Variants in RELT observed in about 807,000 individuals in gnomAD.
RELT encodes RELT TNF receptor.
In RELT, 37 loss-of-function variants were observed where a neutral mutation model predicts 51.1. The ratio of observed to expected loss-of-function variants is 0.72; its 90% CI spans 0.56 to 0.95. The LOEUF is 0.95. Among genes scored for constraint, RELT ranks in the 40% least tolerant of loss-of-function variants. The probability of loss-of-function intolerance (pLI) is 0.00; values close to 1 mark genes in which losing one functional copy is unlikely to be tolerated. For synonymous variants in RELT, 241 were observed against 235.7 expected (o/e 1.02, Z -0.21); for missense variants, 535 against 572.6 (o/e 0.93, Z 0.67).
intron 1 of RELT, among the ~76,000 whole-genome samples, chr11:73,382,010 C>T (rs1866057717): frequency 6.6e-6 from 1 of 152,212 alleles, no homozygotes; most frequent in Non-Finnish European, 1.5e-5. Flanking sequence ...CAGGGACTAG[C>T]ACCCCTGTTT....
intron 6 of RELT, chr11:73,392,776 G>C: frequency 3.0e-6 from 4 of 1,311,850 alleles, no homozygotes; most frequent in Non-Finnish European, 3.9e-6. Context: ...TTCCAGGGTC[G>C]GATGGTGGCC....
At chr11:73,383,965 G>A (rs578102701) in intron 1 of RELT, among the ~76,000 whole-genome samples, 7 of 152,298 alleles carry the variant, frequency 4.6e-5, no homozygotes, top group African/African-American at 9.6e-5. Flanking sequence ...TGTGGCCACC[G>A]CCAAGGGAGG....
At position 73,394,771 on chromosome 11, in the gene RELT, A is replaced by G. The variant is rs761184797; in HGVS notation, c.1046+37A>G. On this transcript the variant is annotated intron_variant, in intron 9 of 10. Transcript: ENST00000064780. This position sits in a 1 kb window ranked among gnomAD's most constrained non-coding sequence, Gnocchi z 4.9. ...ACAGATGCAGCAGGGGCAGGTAAAG[A>G]CGTGACAGCCTGGGGGCCGGGAGGG... is the stretch of plus-strand genomic sequence containing the variant. The G allele has an allele frequency of 2.4e-5, 38 of 1,591,238 alleles. No homozygotes were observed. In the South Asian group the frequency reaches 4.1e-4, roughly 17 times the overall value.
At chr11:73,391,279 T>C in intron 5 of RELT, 56 bp downstream of exon 5, 2 of 1,496,980 alleles carry the variant, frequency 1.3e-6, no homozygotes, top group South Asian at 1.2e-5. Flanking sequence ...GAGGGGCCAG[T>C]GAGTTGGAGC....
In RELT at chr11:73,394,540, G is replaced by A. The variant is rs1866276125; in HGVS notation, c.852G>A (p.Val284=). Residue 284 remains valine, a synonymous_variant, in exon 9 of 11, where the codon GTG becomes GTA. Coordinates refer to ENST00000064780, the MANE Select transcript of RELT (RefSeq NM_152222.2). This position sits in a 1 kb window ranked among gnomAD's most constrained non-coding sequence, Gnocchi z 4.9. The part of the protein sequence containing the change: ...ICPHRHHLHT[V]QGLASLSGPC... ...CGCACCGCCACCATCTCCACACCGT[G>A]CAGGGCCTGGCCTCGCTCTCTGGCC... 6.2e-7 allele frequency: 1 copy of A among 1,611,628 alleles called. No individual in the cohort carries two copies.
intron 1 of RELT, among the ~76,000 whole-genome samples, chr11:73,387,222 C>T (rs1184230122): frequency 1.3e-5 from 2 of 152,152 alleles, no homozygotes; most frequent in Admixed American, 6.5e-5. Context: ...GGATTACAGG[C>T]GTGAGCCACC....
chr11:73,386,563 C>G (rs1866127041), intron 1 of RELT, among the ~76,000 whole-genome samples: 1 of 152,134 alleles, frequency 6.6e-6, no homozygotes, highest in Non-Finnish European at 1.5e-5. Flanking sequence ...GGCAGCCAGA[C>G]TGGAGTAAGT....
Position 73,390,862 on chromosome 11 carries a change from G to A in RELT, c.228G>A (p.Arg76=), listed in dbSNP as rs1433576838. ...QPHARCSLWR[R]LEAQVGMATR... is the part of the protein sequence containing the mutation. ...ATGCCCGTTGCAGCCTTTGGAGGAGGCTGGAGGCCCAGGTGGGCATGGCAA... is the reference window on the plus strand; with the variant it reads ...ATGCCCGTTGCAGCCTTTGGAGGAGACTGGAGGCCCAGGTGGGCATGGCAA... Residue 76 remains arginine, a synonymous_variant, in exon 4 of 11, where the codon AGG becomes AGA. Coordinates refer to ENST00000064780, the MANE Select transcript of RELT (RefSeq NM_152222.2). 1 of 1,613,288 alleles carries A rather than the reference G, an allele frequency of 6.2e-7. No individual in the cohort carries two copies. The highest frequency in any genetic ancestry group is 1.1e-5 in the South Asian group (1 of 91,034).
At position 73,389,133 on chromosome 11, in the gene RELT, G is replaced by A; in HGVS notation, c.-4G>A. ...CTAGGCCGGCGACCACCAGGGGCCTGAGGATGAAGCCAAGTCTGCTGTGCC... is the reference window on the plus strand; with the variant it reads ...CTAGGCCGGCGACCACCAGGGGCCTAAGGATGAAGCCAAGTCTGCTGTGCC... On this transcript the variant is annotated 5_prime_UTR_variant, in exon 2 of 11. Transcript: ENST00000064780. The A allele has an allele frequency of 1.3e-6, 2 of 1,549,810 alleles. No homozygotes were observed. Among genetic ancestry groups the A allele is most frequent in the Non-Finnish European group, 1.7e-6 (2 of 1,147,368 alleles).
At chr11:73,377,002 GGCT>G (rs1377306251) in intron 1 of RELT, 2 of 153,502 alleles carry the variant, frequency 1.3e-5, no homozygotes, top group African/African-American at 4.8e-5. Context: ...GCGAACGTGT[GGCT>G]GGGACACTGG....
intron 1 of RELT, among the ~76,000 whole-genome samples, chr11:73,378,739 T>C (rs1313326954): frequency 6.6e-6 from 1 of 152,218 alleles, no homozygotes; most frequent in Non-Finnish European, 1.5e-5. Flanking sequence ...GGTCTTCCTG[T>C]TCCTCCCCAG....
chr11:73,393,797 T>TC (rs142455990), intron 6 of RELT, 40 bp from the exon 7 acceptor site: 186,220 of 1,599,132 alleles, frequency 0.12, 12,838 homozygotes, highest in African/African-American at 0.28. Flanking sequence ...GAGTGCGGCT[T>TC]CCCCCTCTTC....
Position 73,390,915 on chromosome 11 carries a change from G to A in RELT, c.281G>A (p.Trp94Ter). Reference sequence around the variant, plus strand: ...CGAGATACACTCTGTGGAGACTGCTGGCCTGGGTAAGCCAAAGGGAGTGCG... The same window carrying A: ...CGAGATACACTCTGTGGAGACTGCTAGCCTGGGTAAGCCAAAGGGAGTGCG... ...ATRDTLCGDCWPGWFGPWGVP... is the reference protein window; with the variant it reads ...ATRDTLCGDC The change falls in exon 4 of 11, where the codon TGG becomes TAG. Residue 94 changes from tryptophan to a stop codon, truncating the protein, a stop_gained. Transcript: ENST00000064780. LOFTEE classifies it high-confidence loss of function. 6.2e-7 allele frequency: 1 copy of A among 1,612,388 alleles called. No homozygotes were observed. Among genetic ancestry groups the A allele is most frequent in the Non-Finnish European group, 8.5e-7 (1 of 1,179,552 alleles).
At chr11:73,390,280 C>T (rs2134449862) in intron 2 of RELT, among the ~76,000 whole-genome samples, 1 of 152,242 alleles carries the variant, frequency 6.6e-6, no homozygotes, top group African/African-American at 2.4e-5. Flanking sequence ...GCTTGAGATC[C>T]TGATGTGGCC....
chr11:73,392,306 G>T lies in RELT; in HGVS notation c.463G>T (p.Gly155Cys). The T allele has an allele frequency of 6.2e-7, 1 of 1,613,522 alleles. No individual in the cohort carries two copies. Among genetic ancestry groups the T allele is most frequent in the South Asian group, 1.1e-5 (1 of 91,086 alleles). The change falls in exon 6 of 11, where the codon GGC (glycine) becomes TGC (cysteine). Residue 155 changes from glycine to cysteine, a missense_variant. Gly to Cys is a radical substitution (Grantham distance 159, BLOSUM62 -3). Transcript: ENST00000064780. ...GCCTGGGAACGGCACCCGGGCAGGTGGCCCAGAGGAGACAGCCGCCCAGTA... is the reference window on the plus strand; with the variant it reads ...GCCTGGGAACGGCACCCGGGCAGGTTGCCCAGAGGAGACAGCCGCCCAGTA... The part of the protein sequence containing the change: ...RQPGNGTRAG[G>C]PEETAAQYAV...
chr11:73,390,893 G>A lies in RELT; in HGVS notation c.259G>A (p.Asp87Asn), dbSNP rs747191674. Reference protein sequence around the residue: ...LEAQVGMATRDTLCGDCWPGW... With the variant: ...LEAQVGMATRNTLCGDCWPGW... The stretch of plus-strand genomic sequence containing the variant: ...GGCCCAGGTGGGCATGGCAACTCGA[G>A]ATACACTCTGTGGAGACTGCTGGCC... Residue 87 changes from aspartate (D) to asparagine (N), a missense_variant, in exon 4 of 11, where the codon GAT becomes AAT. By Grantham distance (23) the Asp-to-Asn change is conservative (BLOSUM62 1). Coordinates refer to ENST00000064780, the MANE Select transcript of RELT (RefSeq NM_152222.2). The A allele has an allele frequency of 6.2e-7, 1 of 1,613,394 alleles. No individual in the cohort carries two copies. The highest frequency in any genetic ancestry group is 1.1e-5 in the South Asian group (1 of 91,034).
chr11:73,377,507 C>T (rs1340964064), intron 1 of RELT, among the ~76,000 whole-genome samples: 1 of 152,046 alleles, frequency 6.6e-6, no homozygotes, highest in East Asian at 1.9e-4. Context: ...CGAGGCTGGG[C>T]AACATCTGGT....
chr11:73,392,961 G>A lies in RELT; in HGVS notation c.625+493G>A, dbSNP rs771871409. ...CCTGGAACCGGAGGGACAGGCATGCGCCACCACCTTCACCCCCAGGGCCCC... is the reference window on the plus strand; with the variant it reads ...CCTGGAACCGGAGGGACAGGCATGCACCACCACCTTCACCCCCAGGGCCCC... On this transcript the variant is annotated intron_variant, in intron 6 of 10. Transcript: ENST00000064780. 5 of 1,001,484 alleles carry A rather than the reference G, an allele frequency of 5.0e-6. No homozygotes were observed. In the East Asian group the frequency reaches 3.0e-4, roughly 60 times the overall value. 62.0% of individuals were successfully genotyped at this position (1,001,484 alleles called of 1,614,324 possible).
chr11:73,385,502 C>G (rs1866109992), intron 1 of RELT, among the ~76,000 whole-genome samples: 1 of 152,144 alleles, frequency 6.6e-6, no homozygotes, highest in Non-Finnish European at 1.5e-5. Flanking sequence ...GGAAACCCTC[C>G]CCGCCTCGTG....
Sources: gnomAD v4.1 joint callset for allele counts (sites outside exome capture counted in the v4.1 genomes callset) on GRCh38, gnomAD v4.1.1 for gene constraint, Gnocchi (gnomAD v3.1) non-coding constraint, MANE v1.5 for transcripts, NCBI Gene and HGNC (gene_info 2026-07-23, HGNC 2026-07-21) for gene names.